ROBO2: variants seen among roughly 807,000 people sequenced by gnomAD.
The protein encoded by ROBO2 is roundabout homolog 2.
Under a neutral mutation model 160.8 loss-of-function variants are expected in ROBO2, and 53 were observed. The ratio of observed to expected loss-of-function variants is 0.33; its 90% CI spans 0.26 to 0.41. The LOEUF (loss-of-function observed/expected upper bound fraction) is 0.41, where lower values mean the gene tolerates loss of function less well. ROBO2 is among the 10% of genes least tolerant of loss of function. ROBO2 has a pLI of 1.00. For synonymous variants in ROBO2, 664 were observed against 611.7 expected, an observed-to-expected ratio of 1.09 and a Z score of -1.26; for missense variants, 1,577 against 1,722.4, an observed-to-expected ratio of 0.92 and a Z score of 1.49.
chr3:76,427,336 T>G (rs1005184549), intron 2 of ROBO2, among the ~76,000 whole-genome samples: 3 of 151,808 alleles, frequency 2.0e-5, no homozygotes, highest in African/African-American at 7.3e-5. Context: ...GAAAATATCA[T>G]GTTGGATGTA....
chr3:76,544,393 A>G (rs1324457651), intron 2 of ROBO2, among the ~76,000 whole-genome samples: 3 of 152,092 alleles, frequency 2.0e-5, no homozygotes, highest in Admixed American at 1.3e-4. Flanking sequence ...AATAATTAAC[A>G]TGATCATTTA....
chr3:77,575,984 G>A (rs903221301), intron 14 of ROBO2, among the ~76,000 whole-genome samples: 4 of 152,100 alleles, frequency 2.6e-5, no homozygotes, highest in African/African-American at 9.7e-5. Context: ...GGAATGATGA[G>A]CGGCGATTTG....
chr3:77,644,622 A>G, intron 24 of ROBO2, 82 bp from the exon 27 acceptor site: 1 of 1,194,572 alleles, frequency 8.4e-7, no homozygotes, highest in Non-Finnish European at 1.2e-6. Context: ...TAGGCCATTC[A>G]CAGTGTTATA....
chr3:76,983,017 G>A (rs1476594061), intron 2 of ROBO2, among the ~76,000 whole-genome samples: 2 of 152,198 alleles, frequency 1.3e-5, no homozygotes, highest in Admixed American at 6.5e-5. Flanking sequence ...CAGGCATGGT[G>A]GCTCATGCCT....
chr3:75,987,911 CTGAATT>C (rs944235660), intron 2 of ROBO2, among the ~76,000 whole-genome samples: 1 of 151,822 alleles, frequency 6.6e-6, no homozygotes, highest in African/African-American at 2.4e-5. Context: ...TAATATGCTG[CTGAATT>C]TGGTTTGCTA....
At chr3:76,120,094 T>C (rs1205233756) in intron 2 of ROBO2, among the ~76,000 whole-genome samples, 1 of 151,934 alleles carries the variant, frequency 6.6e-6, no homozygotes, top group Non-Finnish European at 1.5e-5. Flanking sequence ...CCTCCTGGGT[T>C]CAAGCCATTC....
At chr3:77,588,788 C>T (rs1461855786) in exon 17 of ROBO2, 3 of 1,613,396 alleles carry the variant, frequency 1.9e-6, no homozygotes, top group Non-Finnish European at 8.5e-7. Context: ...AAAACAATAA[C>T]AGCATAACTG....
At chr3:76,543,807 T>G (rs907755233) in intron 2 of ROBO2, among the ~76,000 whole-genome samples, 5 of 151,972 alleles carry the variant, frequency 3.3e-5, no homozygotes, top group African/African-American at 1.2e-4. Flanking sequence ...CAGACCATCT[T>G]TTTTTTGAAA....
chr3:76,603,332 C>CAAAAAAAAA lies in ROBO2; in HGVS notation c.110-494670_110-494662dup, dbSNP rs61547121. Among the ~76,000 whole-genome samples, 9 of 66,514 alleles carry CAAAAAAAAA rather than the reference C, an allele frequency of 1.4e-4. 1 individual carries two copies. Among genetic ancestry groups the CAAAAAAAAA allele is most frequent in the African/African-American group, 7.4e-4 (9 of 12,170 alleles). The allele number at this position is 66,514 out of a possible 152,430, so 43.6% of individuals were successfully genotyped here. A position where few individuals can be genotyped will look rare whatever the true frequency, so the allele number is the denominator to read the frequency against. On this transcript the variant is annotated intron_variant, in intron 2 of 26. Coordinates refer to the ROBO2 transcript ENST00000487694. ...GGGTGACAGAGCGAGACTCCATCTC[C>CAAAAAAAAA]AAAAAAAAAAAAAAAAAAAATATAT...
At chr3:77,230,649 C>A (rs1684768204) in intron 2 of ROBO2, among the ~76,000 whole-genome samples, 1 of 152,154 alleles carries the variant, frequency 6.6e-6, no homozygotes, top group Admixed American at 6.5e-5. Flanking sequence ...AAGTTTTTAT[C>A]TGAAAATTGT....
chr3:77,407,876 T>C (rs13090537), intron 2 of ROBO2, among the ~76,000 whole-genome samples: 19,001 of 152,220 alleles, frequency 0.12, 1,413 homozygotes, highest in East Asian at 0.25. Context: ...CTCATTAATA[T>C]ATAGGTGGTC....
intron 2 of ROBO2, among the ~76,000 whole-genome samples, chr3:76,759,188 T>G (rs2061158150): frequency 6.6e-6 from 1 of 151,804 alleles, no homozygotes; most frequent in Admixed American, 6.6e-5. Flanking sequence ...ATAGGCTGAG[T>G]GCTAAGGTCA....
intron 5 of ROBO2, among the ~76,000 whole-genome samples, chr3:77,515,798 G>T (rs763817307): frequency 6.6e-6 from 1 of 151,480 alleles, no homozygotes; most frequent in Non-Finnish European, 1.5e-5. Context: ...ATTCCAATAC[G>T]GTCTAAACCT....
At chr3:77,482,865 A>G (rs1428948244) in intron 4 of ROBO2, among the ~76,000 whole-genome samples, 1 of 146,108 alleles carries the variant, frequency 6.8e-6, no homozygotes, top group Non-Finnish European at 1.5e-5. Context: ...AATAGAAAGA[A>G]AAAAAAAAGC....
chr3:77,547,181 T>C (rs2092729624), intron 7 of ROBO2, among the ~76,000 whole-genome samples: 1 of 152,080 alleles, frequency 6.6e-6, no homozygotes, highest in African/African-American at 2.4e-5. Flanking sequence ...CTGTCTAAAG[T>C]TGGACAACTG....
At chr3:77,518,748 T>C (rs2090290347) in intron 5 of ROBO2, among the ~76,000 whole-genome samples, 1 of 151,532 alleles carries the variant, frequency 6.6e-6, no homozygotes, top group African/African-American at 2.4e-5. Flanking sequence ...CCAACTTCAG[T>C]GATCCTCAAG....
chr3:76,776,904 C>T (rs192274631), intron 2 of ROBO2, among the ~76,000 whole-genome samples: 1 of 150,980 alleles, frequency 6.6e-6, no homozygotes, highest in Admixed American at 6.6e-5. Flanking sequence ...TGCCTTTTCC[C>T]TGTGGATTTA....
intron 2 of ROBO2, among the ~76,000 whole-genome samples, chr3:76,049,727 T>C (rs773581687): frequency 1.3e-5 from 2 of 152,120 alleles, no homozygotes. Flanking sequence ...TCCAGTGTTC[T>C]GTAACTTGTG....
rs2071712327 is a variant in ROBO2, at chr3:76,142,538, G to A, written c.109+204936G>A. Among the ~76,000 whole-genome samples the A allele has an allele frequency of 2.6e-5, 4 of 151,980 alleles. No homozygotes were observed. In the South Asian group the frequency reaches 8.3e-4, roughly 31 times the overall value. ...CATGGATGGTACTGGAGATCATTAT[G>A]TCAAGTGAAAAAAGCCAGGCACAGA... On this transcript the variant is annotated intron_variant, in intron 2 of 26. Transcript: ENST00000487694.
Sources: allele counts gnomAD v4.1 joint callset (sites outside exome capture counted in the v4.1 genomes callset), GRCh38; gene constraint gnomAD v4.1.1; transcripts MANE v1.5; gene names NCBI Gene and HGNC (gene_info 2026-07-23, HGNC 2026-07-21).